AFF2: variants seen among roughly 807,000 people sequenced by gnomAD.
AFF2 encodes the protein AF4/FMR2 family member 2.
AFF2 carries 14 observed loss-of-function variants against 76.9 expected under a neutral mutation model. That is an observed-to-expected ratio of 0.18 (90% CI 0.12 to 0.28). The LOEUF (loss-of-function observed/expected upper bound fraction) is 0.28. Among genes scored for constraint, AFF2 ranks in the 10% least tolerant of loss-of-function variants. The pLI is 1.00. For synonymous variants in AFF2, 398 were observed against 366.7 expected (o/e 1.09, Z -0.98); for missense variants, 868 against 1,001.1 (o/e 0.87, Z 1.79).
chrX:148,995,480 G>A lies in AFF2; in HGVS notation c.*4148G>A, dbSNP rs2072585400. 1.0e-5 allele frequency: 1 copy of A among 97,813 alleles called. No individual in the cohort carries two copies. The highest frequency in any genetic ancestry group is 2.0e-5 in the Non-Finnish European group (1 of 48,981). 8.1% of individuals were successfully genotyped at this position (97,813 alleles called of 1,213,427 possible). On this transcript the variant is annotated 3_prime_UTR_variant, in exon 21 of 21. Coordinates refer to ENST00000370460, the MANE Select transcript of AFF2 (RefSeq NM_002025.4). Reference sequence around the variant, plus strand: ...TTGTGGGGAGGGCAGAAAGGGGGTGGGGGTGGGGGCGGGGGGGTGGGGGGT... The same window carrying A: ...TTGTGGGGAGGGCAGAAAGGGGGTGAGGGTGGGGGCGGGGGGGTGGGGGGT...
chrX:148,943,961 A>T (rs1477302258), intron 9 of AFF2, among the ~76,000 whole-genome samples: 1 of 112,373 alleles, frequency 8.9e-6, no homozygotes, highest in Non-Finnish European at 1.9e-5. Flanking sequence ...GACCAACATC[A>T]CAAAAGAGAT....
chrX:148,910,427 G>T (rs2071455865), intron 9 of AFF2, among the ~76,000 whole-genome samples: 2 of 112,489 alleles, frequency 1.8e-5, no homozygotes, highest in Non-Finnish European at 3.7e-5. Context: ...TTAGAGTCTA[G>T]CAGAAAAGAT....
chrX:148,987,629 T>C, intron 20 of AFF2, 72 bp downstream of exon 20: 1 of 929,321 alleles, frequency 1.1e-6, no homozygotes. Flanking sequence ...AGGACTTGAG[T>C]TGTACTTGGT....
intron 9 of AFF2, among the ~76,000 whole-genome samples, chrX:148,926,755 A>G (rs1334813525): frequency 8.9e-6 from 1 of 112,095 alleles, no homozygotes; most frequent in Non-Finnish European, 1.9e-5. Context: ...TTTCCCAGTG[A>G]TTGAACCTTG....
chrX:148,622,634 G>A (rs1239018088), intron 1 of AFF2, among the ~76,000 whole-genome samples: 1 of 111,724 alleles, frequency 9.0e-6, no homozygotes, highest in Non-Finnish European at 1.9e-5. Context: ...TATAGGTGCA[G>A]CGCTCAGTGC....
intron 1 of AFF2, among the ~76,000 whole-genome samples, chrX:148,503,102 A>G (rs1347768958): frequency 2.7e-5 from 3 of 112,694 alleles, no homozygotes; most frequent in East Asian, 2.8e-4. Flanking sequence ...ATCTGCATAA[A>G]TAAGCCTGTC....
intron 3 of AFF2, among the ~76,000 whole-genome samples, chrX:148,670,315 G>C (rs1249449842): frequency 1.8e-5 from 2 of 111,462 alleles, no homozygotes; most frequent in African/African-American, 6.5e-5. Flanking sequence ...ACCAGGGAGG[G>C]TTTCACAGAG....
At chrX:148,965,301 G>T (rs1225130221) in intron 13 of AFF2, among the ~76,000 whole-genome samples, 2 of 112,259 alleles carry the variant, frequency 1.8e-5, no homozygotes, top group African/African-American at 6.5e-5. Flanking sequence ...GTAATTAACT[G>T]CAATTAACTG....
chrX:148,781,982 A>G lies in AFF2; in HGVS notation c.1042-27894A>G, dbSNP rs782268668. On this transcript the variant is annotated intron_variant, in intron 3 of 20. Transcript: ENST00000370460. ...CACTTCCAGGATGAGGCGACGCCCC[A>G]TCCTGCTTCTGCTCGCCATCCTTGG... 4.5e-5 allele frequency among the ~76,000 whole-genome samples: 5 copies of G among 110,800 alleles called. No individual in the cohort carries two copies. The East Asian group carries it at 1.4e-3, about 32-fold the overall frequency.
intron 7 of AFF2, among the ~76,000 whole-genome samples, chrX:148,865,669 C>A (rs1279175588): frequency 9.8e-5 from 11 of 112,166 alleles, no homozygotes; most frequent in African/African-American, 2.9e-4. Flanking sequence ...CAATACATTA[C>A]TTTAAAAAAT....
At chrX:148,630,473 A>G (rs931162292) in intron 1 of AFF2, among the ~76,000 whole-genome samples, 21 of 111,877 alleles carry the variant, frequency 1.9e-4, no homozygotes, top group African/African-American at 6.5e-4. Context: ...GCAGGTGGGA[A>G]ACACTGAAGG....
intron 4 of AFF2, among the ~76,000 whole-genome samples, chrX:148,816,698 C>A (rs1044538896): frequency 2.5e-4 from 28 of 110,572 alleles, no homozygotes; most frequent in African/African-American, 8.2e-4. Context: ...TTGTGGAAGG[C>A]ACTTTGTTAG....
chrX:148,652,559 T>C (rs2054213017), intron 2 of AFF2, among the ~76,000 whole-genome samples: 1 of 112,259 alleles, frequency 8.9e-6, no homozygotes, highest in Non-Finnish European at 1.9e-5. Flanking sequence ...TTTTAGGTTG[T>C]TAGCAGCTCT....
chrX:148,876,820 C>G (rs2071040548), intron 7 of AFF2, among the ~76,000 whole-genome samples: 1 of 111,326 alleles, frequency 9.0e-6, no homozygotes, highest in African/African-American at 3.3e-5. Context: ...GGTGGAACAT[C>G]CATTGATCCT....
At chrX:148,876,467 AC>A (rs2071037048) in intron 7 of AFF2, among the ~76,000 whole-genome samples, 1 of 111,593 alleles carries the variant, frequency 9.0e-6, no homozygotes, top group Admixed American at 9.5e-5. Flanking sequence ...GTGCCCTTGG[AC>A]CCAACATGTT....
At chrX:148,897,086 C>T (rs2071293168) in intron 8 of AFF2, among the ~76,000 whole-genome samples, 1 of 102,412 alleles carries the variant, frequency 9.8e-6, no homozygotes, top group South Asian at 4.6e-4. Flanking sequence ...ACCCTACATT[C>T]TCCATTGCAT....
intron 3 of AFF2, among the ~76,000 whole-genome samples, chrX:148,699,110 A>G (rs1200409030): frequency 8.9e-6 from 1 of 112,150 alleles, no homozygotes; most frequent in Non-Finnish European, 1.9e-5. Flanking sequence ...GAGTTTGTAC[A>G]GTAGCTGACT....
chrX:148,838,751 G>A (rs1557274047), intron 5 of AFF2, among the ~76,000 whole-genome samples: 1 of 111,683 alleles, frequency 9.0e-6, no homozygotes, highest in Non-Finnish European at 1.9e-5. Context: ...TTTGGAAAAC[G>A]CCTTGGATAC....
At chrX:148,836,258 T>C (rs972539239) in intron 4 of AFF2, among the ~76,000 whole-genome samples, 1 of 112,100 alleles carries the variant, frequency 8.9e-6, no homozygotes. Context: ...CCTTTTTAAA[T>C]AGTGCTAGGT....
Sources: allele counts gnomAD v4.1 joint callset (sites outside exome capture counted in the v4.1 genomes callset), GRCh38; gene constraint gnomAD v4.1.1; transcripts MANE v1.5; gene names NCBI Gene and HGNC (gene_info 2026-07-23, HGNC 2026-07-21).